RHOBTB2: variants seen among roughly 807,000 people sequenced by gnomAD.
RHOBTB2 encodes Rho related BTB domain containing 2, also known as rho-related BTB domain-containing protein 2.
In RHOBTB2, 39 loss-of-function variants were observed where a neutral mutation model predicts 66.5. That is an observed-to-expected ratio of 0.59 (90% CI 0.45 to 0.77). The LOEUF (loss-of-function observed/expected upper bound fraction) is 0.77, where lower values mean the gene tolerates loss of function less well. Ranked by LOEUF, RHOBTB2 falls within the 30% of genes least tolerant of loss-of-function variation. The pLI is 0.00. For synonymous variants in RHOBTB2, 390 were observed against 395.0 expected, an observed-to-expected ratio of 0.99 and a Z score of 0.15; for missense variants, 755 against 999.1, an observed-to-expected ratio of 0.76 and a Z score of 3.29.
intron 9 of RHOBTB2, among the ~76,000 whole-genome samples, chr8:23,016,224 T>A (rs1811288401): frequency 6.6e-6 from 1 of 151,666 alleles, no homozygotes; most frequent in Non-Finnish European, 1.5e-5. Flanking sequence ...CAACAGAAAC[T>A]GCACAGGCTC....
the RHOBTB2 span, among the ~76,000 whole-genome samples, chr8:22,980,952 A>G: frequency 2.6e-5 from 4 of 152,242 alleles, no homozygotes; most frequent in African/African-American, 9.6e-5. Flanking sequence ...TTTCAGCCAC[A>G]GCCAATCAAA....
chr8:22,951,790 T>C, the RHOBTB2 span, among the ~76,000 whole-genome samples: 1 of 152,200 alleles, frequency 6.6e-6, no homozygotes, highest in Non-Finnish European at 1.5e-5. Context: ...TCTGGATGTA[T>C]ACGTGCAGGT....
chr8:22,993,859 C>A (rs898749312), intron 2 of RHOBTB2, among the ~76,000 whole-genome samples: 1 of 152,216 alleles, frequency 6.6e-6, no homozygotes, highest in Non-Finnish European at 1.5e-5. Flanking sequence ...CTAGACTTTT[C>A]TTTGGCTAAA....
At chr8:22,991,308 G>A (rs573803878) in intron 1 of RHOBTB2, among the ~76,000 whole-genome samples, 32 of 152,282 alleles carry the variant, frequency 2.1e-4, no homozygotes, top group African/African-American at 5.3e-4. Context: ...GGTCCTGGCC[G>A]TCCCAGCCTG....
At chr8:22,978,857 GTTTT>G in the RHOBTB2 span, among the ~76,000 whole-genome samples, 2 of 151,732 alleles carry the variant, frequency 1.3e-5, no homozygotes, top group Admixed American at 6.6e-5. Context: ...GAAATCATGT[GTTTT>G]TTTTAACTTA....
At chr8:23,014,914 A>C (rs901164775) in intron 8 of RHOBTB2, 136 bp downstream of exon 8, 1 of 708,592 alleles carries the variant, frequency 1.4e-6, no homozygotes, top group African/African-American at 1.8e-5. Context: ...GACTGCGCGT[A>C]GCCCATCTCC....
intron 2 of RHOBTB2, among the ~76,000 whole-genome samples, chr8:22,993,036 C>T (rs933874220): frequency 2.6e-5 from 4 of 152,224 alleles, no homozygotes; most frequent in African/African-American, 4.8e-5. Flanking sequence ...GCTGGCCAGC[C>T]GGGAGGACCC....
At chr8:22,965,604 A>G in the RHOBTB2 span, among the ~76,000 whole-genome samples, 9 of 152,348 alleles carry the variant, frequency 5.9e-5, no homozygotes, top group East Asian at 1.2e-3. Context: ...TGGAATAGAG[A>G]AGAAGCCCAG....
the RHOBTB2 span, among the ~76,000 whole-genome samples, chr8:22,977,629 T>A: frequency 0.054 from 8,145 of 150,586 alleles, 265 homozygotes; most frequent in Admixed American, 0.077. Flanking sequence ...CCTTGATCAC[T>A]GAGAACACCT....
the RHOBTB2 span, among the ~76,000 whole-genome samples, chr8:22,960,091 G>A: frequency 6.6e-6 from 1 of 150,650 alleles, no homozygotes; most frequent in African/African-American, 2.4e-5. Context: ...GCTGAGGCAG[G>A]AGAATCGCCT....
upstream of RHOBTB2, among the ~76,000 whole-genome samples, chr8:22,998,441 A>G (rs1325270083): frequency 2.0e-5 from 3 of 152,158 alleles, no homozygotes; most frequent in Non-Finnish European, 4.4e-5. Context: ...ACTAGCAGTC[A>G]AGATCATCCT....
At chr8:22,984,190 C>T (rs1160365830), upstream of RHOBTB2, among the ~76,000 whole-genome samples, 2 of 152,112 alleles carry the variant, frequency 1.3e-5, no homozygotes, top group Admixed American at 6.5e-5. Context: ...AACTTAAAAG[C>T]AAGCCAACCT....
Position 23,010,631 on chromosome 8 carries a change from A to G in RHOBTB2, c.1714A>G (p.Met572Val). The G allele has an allele frequency of 6.2e-7, 1 of 1,614,178 alleles. No homozygotes were observed. ...CACCTCCAGCCCCGACCTGGATGAC[A>G]TGAAGCTCATCATTCTAGCCAACCG... ...MFTSSPDLDD[M>V]KLIILANRLC... Residue 572 changes from methionine (M) to valine (V), a missense_variant, in exon 7 of 10, where the codon ATG becomes GTG. Physicochemically the swap from Met to Val is conservative, Grantham distance 21 (BLOSUM62 1). This residue lies in a region of RHOBTB2 where 353 missense variants were observed against 458.2 expected (regional missense o/e 0.77). Coordinates refer to ENST00000251822, the MANE Select transcript of RHOBTB2 (RefSeq NM_015178.3).
chr8:22,985,245 T>G (rs1005089112), upstream of RHOBTB2, among the ~76,000 whole-genome samples: 9 of 152,252 alleles, frequency 5.9e-5, no homozygotes, highest in Non-Finnish European at 1.0e-4. Context: ...GGTTCCACAC[T>G]ATTTATTGAG....
upstream of RHOBTB2, among the ~76,000 whole-genome samples, chr8:22,983,606 T>C (rs1810246976): frequency 6.6e-6 from 1 of 152,132 alleles, no homozygotes; most frequent in African/African-American, 2.4e-5. Context: ...TATCATAACC[T>C]AGGTTTTACT....
intron 2 of RHOBTB2, among the ~76,000 whole-genome samples, chr8:22,992,913 G>A (rs528882638): frequency 1.3e-4 from 20 of 152,240 alleles, no homozygotes; most frequent in Non-Finnish European, 2.6e-4. Flanking sequence ...CCACACCTCT[G>A]CCAGCAGGGA....
At chr8:23,002,439 C>T (rs187831553) in intron 1 of RHOBTB2, among the ~76,000 whole-genome samples, 1 of 152,210 alleles carries the variant, frequency 6.6e-6, no homozygotes, top group African/African-American at 2.4e-5. Context: ...CGCCTGTAAT[C>T]CCAGCACTTT....
chr8:22,987,257 T>C (rs1173875683), upstream of RHOBTB2, among the ~76,000 whole-genome samples: 1 of 152,008 alleles, frequency 6.6e-6, no homozygotes, highest in Admixed American at 6.6e-5. Flanking sequence ...TGGCCAAAGA[T>C]GGGGAACAGG....
chr8:22,987,649 C>G (rs1810314910), intron 1 of RHOBTB2: 1 of 152,430 alleles, frequency 6.6e-6, no homozygotes, highest in Non-Finnish European at 1.5e-5. Flanking sequence ...CCTATCTTCA[C>G]CTGGTCACTC....
Sources: gnomAD v4.1 joint callset for allele counts (sites outside exome capture counted in the v4.1 genomes callset) on GRCh38, gnomAD v4.1.1 for gene constraint, gnomAD v4.1.1 regional missense constraint, MANE v1.5 for transcripts, NCBI Gene and HGNC (gene_info 2026-07-23, HGNC 2026-07-21) for gene names.